The following HMGN2 variants were observed in gnomAD, a reference collection of about 807,000 sequenced individuals.
HMGN2 encodes non-histone chromosomal protein HMG-17.
In HMGN2, 2 loss-of-function variants were observed where a neutral mutation model predicts 16.9. The ratio of observed to expected loss-of-function variants is 0.12; its 90% CI spans 0.05 to 0.37. The LOEUF is 0.37. Among genes scored for constraint, HMGN2 ranks in the 10% least tolerant of loss-of-function variants. The probability of loss-of-function intolerance (pLI) is 1.00; values close to 1 mark genes in which losing one functional copy is unlikely to be tolerated. For missense variants in HMGN2, 90 were observed against 106.0 expected (o/e 0.85, Z 0.66); for synonymous variants, 31 against 34.9 (o/e 0.89, Z 0.39).
intron 1 of HMGN2, among the ~76,000 whole-genome samples, 183 bp downstream of exon 1, chr1:26,472,810 C>T (rs2075580676): frequency 6.6e-6 from 1 of 151,784 alleles, no homozygotes; most frequent in East Asian, 2.0e-4. Flanking sequence ...CCCGCGGGCG[C>T]CAGAGGCCAT....
rs764446440 is a variant in HMGN2, at chr1:26,472,660, A to ACCACTGCCG, written c.15+38_15+46dup. On this transcript the variant is annotated intron_variant, in intron 1 of 5. Transcript: ENST00000361427. ...GCGCGAGGGCCCCAGGCGCCGGGCCACCACTGCCGCCACCGCCGCCGCCGC... is the reference window on the plus strand; with the variant it reads ...GCGCGAGGGCCCCAGGCGCCGGGCCACCACTGCCGCCACTGCCGCCACCGCCGCCGCCGC... 3.0e-5 allele frequency: 46 copies of ACCACTGCCG among 1,513,760 alleles called. 1 individual carries two copies. Among genetic ancestry groups the ACCACTGCCG allele is most frequent in the Middle Eastern group, 2.3e-4 (1 of 4,444 alleles). 93.8% of individuals were successfully genotyped at this position (1,513,760 alleles called of 1,614,324 possible).
Position 26,473,688 on chromosome 1 carries a change from C to T in HMGN2, c.61-15C>T, listed in dbSNP as rs376373807. Reference sequence around the variant, plus strand: ...TTACCTGTCCTATTTCTAACTTTCTCGTTGTCTTTAATAGCCACAGAGAAG... The same window carrying T: ...TTACCTGTCCTATTTCTAACTTTCTTGTTGTCTTTAATAGCCACAGAGAAG... On this transcript the variant is annotated splice_polypyrimidine_tract_variant and intron_variant, in intron 2 of 5. Transcript: ENST00000361427. 65 of 1,613,760 alleles carry T rather than the reference C, an allele frequency of 4.0e-5. 1 individual carries two copies. The Admixed American group carries it at 6.3e-4, about 16-fold the overall frequency.
chr1:26,476,402 G>C lies in HMGN2; in HGVS notation c.*1254G>C, dbSNP rs1441828678. On this transcript the variant is annotated 3_prime_UTR_variant, in exon 6 of 6. Transcript: ENST00000361427. ...GAGTGTCTCTGTGAATGTGTACACAGTTGTCCATTTGTAAGGTAGATGACA... is the reference window on the plus strand; with the variant it reads ...GAGTGTCTCTGTGAATGTGTACACACTTGTCCATTTGTAAGGTAGATGACA... 2.0e-5 allele frequency among the ~76,000 whole-genome samples: 3 copies of C among 152,220 alleles called. No homozygotes were observed.
Position 26,474,626 on chromosome 1 carries a change from G to A in HMGN2, c.196G>A (p.Gly66Arg). ...GGGAAAAGCTGATGCTGGCAAGGAG[G>A]GGAATAACCCTGCAGAAAATGGAGA... Reference protein sequence around the residue: ...KKGKADAGKEGNNPAENGDAK... With the variant: ...KKGKADAGKERNNPAENGDAK... Residue 66 changes from glycine to arginine, a missense_variant, in exon 5 of 6, where the codon GGG becomes AGG. Coordinates refer to ENST00000361427, the MANE Select transcript of HMGN2 (RefSeq NM_005517.4). 2 of 1,594,728 alleles carry A rather than the reference G, an allele frequency of 1.3e-6. No homozygotes were observed. Among genetic ancestry groups the A allele is most frequent in the Non-Finnish European group, 8.6e-7 (1 of 1,163,452 alleles).
In HMGN2 at chr1:26,476,497, A is replaced by G. The variant is rs975153782; in HGVS notation, c.*1349A>G. ...CCTGATTCCTTTAGTTTGGAGATGCAGAGAACCCCACGTTTCTCTAAGTGA... is the reference window on the plus strand; with the variant it reads ...CCTGATTCCTTTAGTTTGGAGATGCGGAGAACCCCACGTTTCTCTAAGTGA... On this transcript the variant is annotated 3_prime_UTR_variant, in exon 6 of 6. Transcript: ENST00000361427. 3.9e-5 allele frequency among the ~76,000 whole-genome samples: 6 copies of G among 152,204 alleles called. No homozygotes were observed. The highest frequency in any genetic ancestry group is 1.4e-4 in the African/African-American group (6 of 41,446).
intron 1 of HMGN2, among the ~76,000 whole-genome samples, chr1:26,472,934 C>T (rs1039385696): frequency 2.6e-5 from 4 of 152,112 alleles, no homozygotes; most frequent in African/African-American, 9.6e-5. Context: ...AGGGCCCCTT[C>T]CCTCCCCTCC....
In HMGN2 at chr1:26,475,327, T is replaced by C; in HGVS notation, c.*179T>C. ...TTTTGGGGGAAGGGGCATATGTCAC[T>C]AATAGAATGTCTCCAAAGCTGGATT... On this transcript the variant is annotated 3_prime_UTR_variant, in exon 6 of 6. Transcript: ENST00000361427. 2.0e-6 allele frequency: 1 copy of C among 493,256 alleles called. No individual in the cohort carries two copies. The highest frequency in any genetic ancestry group is 3.6e-6 in the Non-Finnish European group (1 of 276,360). The allele number at this position is 493,256 out of a possible 1,614,324, so 30.6% of individuals were successfully genotyped here.
intron 4 of HMGN2, among the ~76,000 whole-genome samples, 171 bp from the exon 5 acceptor site, chr1:26,474,401 T>G (rs2075594796): frequency 6.6e-6 from 1 of 152,238 alleles, no homozygotes; most frequent in East Asian, 1.9e-4. Context: ...TACTAAAGAT[T>G]ATAGCAAATT....
In HMGN2 at chr1:26,473,311, G is replaced by A. The variant is rs1310388001; in HGVS notation, c.16-172G>A. The stretch of plus-strand genomic sequence containing the variant: ...AGCCCTCGCTTCTCGGGGTCGGCGA[G>A]CCGGAGCTCCTGCGCGCGCTTCGTT... On this transcript the variant is annotated intron_variant, in intron 1 of 5. Transcript: ENST00000361427. 6 of 593,816 alleles carry A rather than the reference G, an allele frequency of 1.0e-5. No homozygotes were observed. In the East Asian group the frequency reaches 1.1e-4, roughly 11 times the overall value. 36.8% of individuals were successfully genotyped at this position (593,816 alleles called of 1,614,324 possible).
chr1:26,474,177 G>A, intron 4 of HMGN2, 42 bp downstream of exon 4: 1 of 1,468,982 alleles, frequency 6.8e-7, no homozygotes, highest in Non-Finnish European at 9.4e-7. Context: ...ACAGAATGAG[G>A]ACTGTCCTTA....
At position 26,472,495 on chromosome 1, in the gene HMGN2, C is replaced by T. The variant is rs1383357331; in HGVS notation, c.-118C>T. 1 of 1,254,554 alleles carries T rather than the reference C, an allele frequency of 8.0e-7. No individual in the cohort carries two copies. Among genetic ancestry groups the T allele is most frequent in the Non-Finnish European group, 1.1e-6 (1 of 894,450 alleles). The allele number at this position is 1,254,554 out of a possible 1,614,324, so 77.7% of individuals were successfully genotyped here. Reference sequence around the variant, plus strand: ...CAGCGCTATAAAAACTTTATAAACCCCCCGGAGCCCGAGCAGTGTGAAGAA... The same window carrying T: ...CAGCGCTATAAAAACTTTATAAACCTCCCGGAGCCCGAGCAGTGTGAAGAA... On this transcript the variant is annotated 5_prime_UTR_variant, in exon 1 of 6. Coordinates refer to ENST00000361427, the MANE Select transcript of HMGN2 (RefSeq NM_005517.4).
At position 26,472,610 on chromosome 1, in the gene HMGN2, A is replaced by G; in HGVS notation, c.-3A>G. On this transcript the variant is annotated 5_prime_UTR_variant, in exon 1 of 6. Transcript: ENST00000361427. The stretch of plus-strand genomic sequence containing the variant: ...ACGTCCCGCTGCCGTCGCCGCCGCC[A>G]CCATGCCCAAGAGAAAGGTACGTGG... The G allele has an allele frequency of 6.5e-7, 1 of 1,533,378 alleles. No homozygotes were observed. The highest frequency in any genetic ancestry group is 2.0e-5 in the Admixed American group (1 of 51,120). The allele number at this position is 1,533,378 out of a possible 1,614,324, so 95.0% of individuals were successfully genotyped here.
chr1:26,473,572 G>A, intron 2 of HMGN2, 45 bp downstream of exon 2: 2 of 1,566,494 alleles, frequency 1.3e-6, no homozygotes, highest in Non-Finnish European at 1.8e-6. Flanking sequence ...GACTAGCAGA[G>A]GCCACTGGAC....
At chr1:26,473,277 C>T (rs2124569580) in intron 1 of HMGN2, 1 of 582,544 alleles carries the variant, frequency 1.7e-6, no homozygotes, top group Non-Finnish European at 3.0e-6. Context: ...CCCGGCTGCG[C>T]TCCGGTCCAG....
intron 4 of HMGN2, among the ~76,000 whole-genome samples, 199 bp from the exon 5 acceptor site, chr1:26,474,373 T>G (rs2075594530): frequency 6.6e-6 from 1 of 152,252 alleles, no homozygotes; most frequent in Non-Finnish European, 1.5e-5. Context: ...ATTCTTCTGT[T>G]ACTTAGGAAA....
rs749010165 is a variant in HMGN2 at position 26,473,533 on chromosome 1, TC to T, written c.60+7del. 4 of 1,610,354 alleles carry T rather than the reference TC, an allele frequency of 2.5e-6. No homozygotes were observed. Among genetic ancestry groups the T allele is most frequent in the Non-Finnish European group, 3.4e-6 (4 of 1,176,678 alleles). On this transcript the variant is annotated splice_region_variant and intron_variant, in intron 2 of 5. Transcript: ENST00000361427. ...AAGCAAAGGTGAAGGACGAAGTAAG[TC>T]ATTCTCTCTTCAAGGGTCAAAGCCT...
intron 5 of HMGN2, 55 bp downstream of exon 5, chr1:26,474,722 A>G (rs1213428045): frequency 5.9e-6 from 5 of 854,526 alleles, no homozygotes; most frequent in Non-Finnish European, 9.9e-6. Flanking sequence ...AGTTGCTGAT[A>G]TCAAAAATTT....
At chr1:26,473,343 C>T (rs937837083) in intron 1 of HMGN2, 140 bp from the exon 2 acceptor site, 4 of 649,442 alleles carry the variant, frequency 6.2e-6, no homozygotes, top group African/African-American at 1.8e-5. Context: ...CGTTCTTATA[C>T]GAACGTCGGG....
intron 1 of HMGN2, 38 bp downstream of exon 1, chr1:26,472,665 TGCCGCCACCGCC>T (rs2075578484): frequency 6.6e-7 from 1 of 1,506,640 alleles, no homozygotes; most frequent in African/African-American, 1.4e-5. Flanking sequence ...GGGCCACCAC[TGCCGCCACCGCC>T]GCCGCCGCCT....
Sources: gnomAD v4.1 joint callset for allele counts (sites outside exome capture counted in the v4.1 genomes callset) on GRCh38, gnomAD v4.1.1 for gene constraint, MANE v1.5 for transcripts, NCBI Gene and HGNC (gene_info 2026-07-23, HGNC 2026-07-21) for gene names.